HPSE2: variants seen among roughly 807,000 people sequenced by gnomAD.
HPSE2 encodes the protein inactive heparanase-2.
A neutral mutation model predicts 60.5 loss-of-function variants in HPSE2; 38 were observed. The ratio of observed to expected loss-of-function variants is 0.63; its 90% confidence interval spans 0.48 to 0.82. The LOEUF (loss-of-function observed/expected upper bound fraction) is 0.82, where lower values mean the gene tolerates loss of function less well. Ranked by LOEUF, HPSE2 falls within the 40% of genes least tolerant of loss-of-function variation. The probability of loss-of-function intolerance (pLI) is 0.00; values close to 1 mark genes in which losing one functional copy is unlikely to be tolerated. For missense variants in HPSE2, 713 were observed against 740.4 expected, an observed-to-expected ratio of 0.96 and a Z score of 0.43; for synonymous variants, 295 against 293.2, an observed-to-expected ratio of 1.01 and a Z score of -0.06.
chr10:98,640,405 T>C (rs892421944), intron 7 of HPSE2, among the ~76,000 whole-genome samples: 25 of 152,204 alleles, frequency 1.6e-4, no homozygotes, highest in African/African-American at 5.8e-4. Context: ...CAGATTGGGA[T>C]GTAGTAGTTC....
At chr10:98,476,578 T>C (rs1591236263) in intron 11 of HPSE2, among the ~76,000 whole-genome samples, 1 of 151,752 alleles carries the variant, frequency 6.6e-6, no homozygotes, top group African/African-American at 2.4e-5. Flanking sequence ...TCACCTGAGG[T>C]CAGGAGTTTG....
At chr10:98,637,626 C>T (rs762013430) in intron 7 of HPSE2, among the ~76,000 whole-genome samples, 3 of 152,114 alleles carry the variant, frequency 2.0e-5, no homozygotes, top group Non-Finnish European at 4.4e-5. Flanking sequence ...TTAAGCCAGG[C>T]CATCAGACTT....
At chr10:98,485,208 G>T (rs1208566696) in intron 10 of HPSE2, among the ~76,000 whole-genome samples, 2 of 152,114 alleles carry the variant, frequency 1.3e-5, no homozygotes, top group African/African-American at 4.8e-5. Context: ...ATTAGGGACT[G>T]GGAATCTATA....
At chr10:98,925,780 T>C (rs1407395385) in intron 3 of HPSE2, among the ~76,000 whole-genome samples, 1 of 152,136 alleles carries the variant, frequency 6.6e-6, no homozygotes, top group Non-Finnish European at 1.5e-5. Flanking sequence ...GATTGGTCCT[T>C]TATTGTTCTC....
intron 2 of HPSE2, among the ~76,000 whole-genome samples, chr10:99,147,173 A>G (rs1388010693): frequency 6.6e-6 from 1 of 152,230 alleles, no homozygotes; most frequent in Admixed American, 6.5e-5. Flanking sequence ...AAACCTGGTC[A>G]GTGCTCAAAT....
upstream of HPSE2, among the ~76,000 whole-genome samples, chr10:99,236,015 T>A (rs1849841903): frequency 1.4e-5 from 2 of 140,682 alleles, no homozygotes; most frequent in Non-Finnish European, 3.0e-5. Context: ...TTTTTTTAAT[T>A]TTTTTTAATT....
At chr10:99,260,124 A>G in the HPSE2 span, among the ~76,000 whole-genome samples, 2 of 152,152 alleles carry the variant, frequency 1.3e-5, no homozygotes, top group African/African-American at 4.8e-5. Flanking sequence ...AAAATATGGA[A>G]TAGATCAATC....
At chr10:99,101,046 A>G (rs1190045187) in intron 3 of HPSE2, among the ~76,000 whole-genome samples, 1 of 152,238 alleles carries the variant, frequency 6.6e-6, no homozygotes, top group Non-Finnish European at 1.5e-5. Flanking sequence ...GCCAAATTGT[A>G]AAGACCATCG....
intron 3 of HPSE2, among the ~76,000 whole-genome samples, chr10:98,872,762 A>T (rs1952768116): frequency 6.6e-6 from 1 of 152,100 alleles, no homozygotes; most frequent in South Asian, 2.1e-4. Context: ...AAACTACAGC[A>T]AGTTCTAGAT....
At chr10:98,993,758 G>C (rs1038703725) in intron 3 of HPSE2, among the ~76,000 whole-genome samples, 1 of 151,996 alleles carries the variant, frequency 6.6e-6, no homozygotes, top group African/African-American at 2.4e-5. Context: ...CTTCCAATCT[G>C]TATAAATTTT....
intron 3 of HPSE2, among the ~76,000 whole-genome samples, chr10:98,958,952 T>C (rs1451666176): frequency 6.6e-6 from 1 of 152,088 alleles, no homozygotes; most frequent in Non-Finnish European, 1.5e-5. Flanking sequence ...CCTGGCTAGT[T>C]CCATAAGAGC....
At chr10:98,585,876 C>A (rs567452122) in intron 9 of HPSE2, among the ~76,000 whole-genome samples, 1 of 148,084 alleles carries the variant, frequency 6.8e-6, no homozygotes, top group Non-Finnish European at 1.5e-5. Context: ...TGCTTGAACC[C>A]GGGAGGCAGA....
intron 2 of HPSE2, among the ~76,000 whole-genome samples, chr10:99,208,982 G>A (rs965029991): frequency 5.9e-5 from 9 of 152,162 alleles, no homozygotes; most frequent in African/African-American, 1.9e-4. Context: ...AACAAACATT[G>A]CAGCACCTAA....
chr10:99,309,186 GGA>G, the HPSE2 span, among the ~76,000 whole-genome samples: 1 of 152,054 alleles, frequency 6.6e-6, no homozygotes, highest in Non-Finnish European at 1.5e-5. Context: ...TAGAAAGAAT[GGA>G]GAGTAACTGT....
chr10:98,467,645 C>T (rs926019615), intron 11 of HPSE2, among the ~76,000 whole-genome samples: 1 of 152,172 alleles, frequency 6.6e-6, no homozygotes, highest in Admixed American at 6.5e-5. Flanking sequence ...CACAATGGTG[C>T]CAGGACAGTC....
chr10:99,189,386 A>G (rs566339708), intron 2 of HPSE2, among the ~76,000 whole-genome samples: 1 of 152,328 alleles, frequency 6.6e-6, no homozygotes, highest in South Asian at 2.1e-4. Flanking sequence ...AGAAACACCT[A>G]ACTTTCTCTC....
At chr10:98,476,098 A>G (rs991441708) in intron 11 of HPSE2, among the ~76,000 whole-genome samples, 3 of 151,892 alleles carry the variant, frequency 2.0e-5, no homozygotes, top group Admixed American at 6.6e-5. Flanking sequence ...GATAGACTGG[A>G]TTAAGAAAAT....
At position 99,121,775 on chromosome 10, in the gene HPSE2, T is replaced by C. The variant is rs576593551; in HGVS notation, c.610+22463A>G. On this transcript the variant is annotated intron_variant, in intron 3 of 11. Coordinates refer to ENST00000370552, the MANE Select transcript of HPSE2 (RefSeq NM_021828.5). ...ACTAAATACATTAAAATTTTAAATA[T>C]GCGGGAAGCAATCACACTTCTAGGA... Among the ~76,000 whole-genome samples, 10 of 152,270 alleles carry C rather than the reference T, an allele frequency of 6.6e-5. No individual in the cohort carries two copies. In the South Asian group the frequency reaches 1.7e-3, roughly 25 times the overall value.
Position 98,587,558 on chromosome 10 carries a change from C to T in HPSE2, c.1320+27346G>A, listed in dbSNP as rs118052554. On this transcript the variant is annotated intron_variant, in intron 9 of 11. Transcript: ENST00000370552. ...ATGCCCTTGTCCTCCCACAGCTGTTCCTTTCTACTCCTCTTAATAAAAAAT... is the reference window on the plus strand; with the variant it reads ...ATGCCCTTGTCCTCCCACAGCTGTTTCTTTCTACTCCTCTTAATAAAAAAT... Among the ~76,000 whole-genome samples, 700 of 152,278 alleles carry T rather than the reference C, an allele frequency of 4.6e-3. 3 individuals carry two copies. The highest frequency in any genetic ancestry group is 0.01 in the Middle Eastern group (3 of 292).
Sources: gnomAD v4.1 joint callset for allele counts (sites outside exome capture counted in the v4.1 genomes callset) on GRCh38, gnomAD v4.1.1 for gene constraint, MANE v1.5 for transcripts, NCBI Gene and HGNC (gene_info 2026-07-23, HGNC 2026-07-21) for gene names.